Variants in LARGE1 observed in about 807,000 individuals in gnomAD.
LARGE1 encodes the protein xylosyl- and glucuronyltransferase LARGE1.
Under a neutral mutation model 87.6 loss-of-function variants are expected in LARGE1, and 43 were observed. That is an observed-to-expected ratio of 0.49 (90% CI 0.38 to 0.63). LARGE1 has a LOEUF of 0.63. LARGE1 is among the 30% of genes least tolerant of loss of function. The pLI is 0.00. For synonymous variants in LARGE1, 434 were observed against 394.6 expected (o/e 1.10, Z -1.18); for missense variants, 802 against 1,000.2 (o/e 0.80, Z 2.67).
intron 3 of LARGE1, among the ~76,000 whole-genome samples, chr22:33,639,344 A>G (rs761730653): frequency 1.3e-5 from 2 of 152,222 alleles, no homozygotes; most frequent in Admixed American, 6.5e-5. Flanking sequence ...AGAACCACTC[A>G]GCTAAGTCCT....
chr22:33,595,940 T>C (rs1157726499), intron 5 of LARGE1, among the ~76,000 whole-genome samples: 1 of 152,218 alleles, frequency 6.6e-6, no homozygotes, highest in African/African-American at 2.4e-5. Flanking sequence ...AAGATTTCAG[T>C]AAGGCATAAG....
At chr22:33,295,684 C>T (rs1411617529) in intron 12 of LARGE1, among the ~76,000 whole-genome samples, 1 of 152,200 alleles carries the variant, frequency 6.6e-6, no homozygotes. Context: ...CTCCAGTTGT[C>T]TAGGAAATGA....
intron 6 of LARGE1, among the ~76,000 whole-genome samples, chr22:33,558,901 C>T (rs2077773679): frequency 6.6e-6 from 1 of 152,194 alleles, no homozygotes; most frequent in Non-Finnish European, 1.5e-5. Flanking sequence ...TCATCCCATT[C>T]ACTCTGGCAG....
At chr22:33,083,065 C>A in the LARGE1 span, among the ~76,000 whole-genome samples, 1 of 152,062 alleles carries the variant, frequency 6.6e-6, no homozygotes, top group Non-Finnish European at 1.5e-5. Context: ...CTACCATTTA[C>A]AGTAGACACT....
intron 3 of LARGE1, among the ~76,000 whole-genome samples, chr22:33,642,032 C>T (rs1183545639): frequency 1.3e-5 from 2 of 152,110 alleles, no homozygotes; most frequent in Non-Finnish European, 2.9e-5. Context: ...ATACAGAGAA[C>T]ACCACAAAGA....
Position 33,761,477 on chromosome 22 carries a change from C to T in LARGE1, c.-1G>A, listed in dbSNP as rs755287742. The T allele has an allele frequency of 1.2e-6, 2 of 1,613,008 alleles. No individual in the cohort carries two copies. Among genetic ancestry groups the T allele is most frequent in the African/African-American group, 2.7e-5 (2 of 74,864 alleles). On this transcript the variant is annotated 5_prime_UTR_variant, in exon 2 of 15. Coordinates refer to ENST00000397394, the MANE Select transcript of LARGE1 (RefSeq NM_133642.5). The stretch of plus-strand genomic sequence containing the variant: ...GTCTCCCCCTGCAGATTCCCAGCAT[C>T]CTCTCAGAAGTGGCAATCCCTAATC...
intron 7 of LARGE1, among the ~76,000 whole-genome samples, chr22:33,420,114 G>A (rs1272857697): frequency 6.6e-6 from 1 of 152,206 alleles, no homozygotes; most frequent in African/African-American, 2.4e-5. Flanking sequence ...GACATTGCCG[G>A]TGTCCCATGG....
chr22:33,707,075 G>A (rs969515398), intron 2 of LARGE1, among the ~76,000 whole-genome samples: 3 of 152,214 alleles, frequency 2.0e-5, no homozygotes, highest in Non-Finnish European at 2.9e-5. Flanking sequence ...CCATCATCCA[G>A]TAAGAATTCT....
intron 11 of LARGE1, among the ~76,000 whole-genome samples, chr22:33,221,159 C>T (rs1925436345): frequency 7.6e-6 from 1 of 131,736 alleles, no homozygotes; most frequent in African/African-American, 3.7e-5. Flanking sequence ...AATACCTTGC[C>T]GTTGTTAAAA....
chr22:33,634,609 T>C (rs1244219254), intron 3 of LARGE1, among the ~76,000 whole-genome samples: 4 of 113,358 alleles, frequency 3.5e-5, no homozygotes, highest in African/African-American at 1.0e-4. Context: ...TGTTACTCTT[T>C]CAGGGTGAGA....
intron 6 of LARGE1, among the ~76,000 whole-genome samples, chr22:33,540,854 A>G (rs1185135925): frequency 6.6e-6 from 1 of 151,830 alleles, no homozygotes; most frequent in East Asian, 1.9e-4. Flanking sequence ...AGTATGGCAG[A>G]CGGGCACAGC....
chr22:33,849,909 T>C (rs1471038817), intron 1 of LARGE1, among the ~76,000 whole-genome samples: 2 of 152,176 alleles, frequency 1.3e-5, no homozygotes, highest in Non-Finnish European at 2.9e-5. Context: ...ACTCCTTTAG[T>C]TCTTATTACA....
chr22:33,285,857 G>A (rs1931434195), intron 12 of LARGE1, among the ~76,000 whole-genome samples: 1 of 152,170 alleles, frequency 6.6e-6, no homozygotes, highest in African/African-American at 2.4e-5. Context: ...ATTGAATAAT[G>A]AGGGGGAACC....
At chr22:33,904,537 G>A (rs1290980915) in intron 1 of LARGE1, among the ~76,000 whole-genome samples, 1 of 152,174 alleles carries the variant, frequency 6.6e-6, no homozygotes, top group African/African-American at 2.4e-5. Flanking sequence ...TGTGCACCCA[G>A]GGCTCCTGGC....
Position 33,273,899 on chromosome 22 carries a change from G to A in LARGE1, c.*528C>T, listed in dbSNP as rs994198106. On this transcript the variant is annotated 3_prime_UTR_variant, in exon 15 of 15. Transcript: ENST00000397394. ...CCCTCTGGTTACAATGTCCCCATTG[G>A]GTTTTTCCAAGTGGTTGGTTTAGAT... 2 of 367,762 alleles carry A rather than the reference G, an allele frequency of 5.4e-6. No individual in the cohort carries two copies. Among genetic ancestry groups the A allele is most frequent in the Non-Finnish European group, 9.7e-6 (2 of 206,312 alleles). 22.8% of individuals were successfully genotyped at this position (367,762 alleles called of 1,614,324 possible).
chr22:33,767,529 G>A (rs993950946), intron 1 of LARGE1, among the ~76,000 whole-genome samples: 2 of 150,728 alleles, frequency 1.3e-5, no homozygotes, highest in South Asian at 2.1e-4. Flanking sequence ...AACATCTCTC[G>A]TGTCCTAATT....
intron 6 of LARGE1, among the ~76,000 whole-genome samples, chr22:33,537,907 G>C (rs890429400): frequency 6.6e-6 from 1 of 152,176 alleles, no homozygotes; most frequent in African/African-American, 2.4e-5. Context: ...CTAGTGCATG[G>C]ATTAGGCTGA....
chr22:33,807,152 G>A (rs2086338380), intron 1 of LARGE1, among the ~76,000 whole-genome samples: 1 of 152,118 alleles, frequency 6.6e-6, no homozygotes, highest in Non-Finnish European at 1.5e-5. Flanking sequence ...GCAAATCCCA[G>A]CTCTCCCACC....
the LARGE1 span, among the ~76,000 whole-genome samples, chr22:33,068,111 G>C: frequency 6.6e-6 from 1 of 152,176 alleles, no homozygotes; most frequent in African/African-American, 2.4e-5. Flanking sequence ...CTAAAAGCAA[G>C]TGGAACAGAG....
Sources: gnomAD v4.1 joint callset for allele counts (sites outside exome capture counted in the v4.1 genomes callset) on GRCh38, gnomAD v4.1.1 for gene constraint, MANE v1.5 for transcripts, NCBI Gene and HGNC (gene_info 2026-07-23, HGNC 2026-07-21) for gene names.